FBF1: variants seen among roughly 807,000 people sequenced by gnomAD.
The protein encoded by FBF1 is fas-binding factor 1.
FBF1 carries 119 observed loss-of-function variants against 147.2 expected under a neutral mutation model. The ratio of observed to expected loss-of-function variants is 0.81; its 90% CI spans 0.70 to 0.94. FBF1 has a LOEUF of 0.94. Ranked by LOEUF, FBF1 falls within the 40% of genes least tolerant of loss-of-function variation. FBF1 has a pLI of 0.00. For synonymous variants in FBF1, 601 were observed against 609.0 expected, an observed-to-expected ratio of 0.99 and a Z score of 0.19; for missense variants, 1,449 against 1,500.8, an observed-to-expected ratio of 0.97 and a Z score of 0.57.
chr17:75,923,402 A>G lies in FBF1; in HGVS notation c.1208T>C (p.Leu403Pro). 1 of 1,607,596 alleles carries G rather than the reference A, an allele frequency of 6.2e-7. No homozygotes were observed. Among genetic ancestry groups the G allele is most frequent in the Non-Finnish European group, 8.5e-7 (1 of 1,177,410 alleles). Residue 403 changes from leucine (L) to proline (P), a missense_variant, in exon 14 of 30, where the codon CTG becomes CCG. Physicochemically the swap from Leu to Pro is moderately conservative, Grantham distance 98. Transcript: ENST00000636174. This position sits in a 1 kb window ranked among gnomAD's most constrained non-coding sequence, Gnocchi z 4.1. ...PASQHSTPAG[L>P]PPSRAKPPTE... ...TGGTGGCTTTGCCCTGGAGGGGGGC[A>G]GCCCAGCTGGCGTGGAGTGCTGGCT...
Position 75,925,268 on chromosome 17 carries a change from C to T in FBF1, c.968+79G>A. The T allele has an allele frequency of 9.0e-7, 1 of 1,112,280 alleles. No individual in the cohort carries two copies. The highest frequency in any genetic ancestry group is 1.3e-6 in the Non-Finnish European group (1 of 767,956). The allele number at this position is 1,112,280 out of a possible 1,614,324, so 68.9% of individuals were successfully genotyped here. On this transcript the variant is annotated intron_variant, in intron 13 of 29. Coordinates refer to ENST00000636174, the MANE Select transcript of FBF1 (RefSeq NM_001319193.2). This position sits in a 1 kb window ranked among gnomAD's most constrained non-coding sequence, Gnocchi z 5.0. ...TCCCACATGAGACTCTCGGGTGGGA[C>T]AGGGGACAGCTGCAGGGGCCTGTCT...
chr17:75,934,728 A>T (rs1010109250), intron 4 of FBF1, among the ~76,000 whole-genome samples: 2 of 151,616 alleles, frequency 1.3e-5, no homozygotes, highest in African/African-American at 2.4e-5. Flanking sequence ...AAAAATACAA[A>T]ATTAGCTGGG....
At chr17:75,932,898 ATGGCG>A in intron 5 of FBF1, 92 bp downstream of exon 5, 6 of 764,040 alleles carry the variant, frequency 7.9e-6, no homozygotes, top group Non-Finnish European at 9.8e-6. Context: ...AAAAAAAAAA[ATGGCG>A]AGCAAATGTG....
intron 5 of FBF1, among the ~76,000 whole-genome samples, chr17:75,932,010 G>T (rs2065597436): frequency 6.6e-6 from 1 of 152,222 alleles, no homozygotes; most frequent in Non-Finnish European, 1.5e-5. Flanking sequence ...CATATCATAA[G>T]TAACAGATAG....
chr17:75,931,157 C>T (rs993825640), intron 6 of FBF1, 72 bp downstream of exon 6: 11 of 1,495,904 alleles, frequency 7.4e-6, no homozygotes, highest in Non-Finnish European at 9.1e-6. Flanking sequence ...CGTGGGCAGC[C>T]CCTTGGCCAC....
Position 75,913,336 on chromosome 17 carries a change from C to T in FBF1, c.3247+366G>A, listed in dbSNP as rs572029785. The stretch of plus-strand genomic sequence containing the variant: ...GCTAATTTTGTATTTTTAGCAGAGA[C>T]GGGGTTTCATTATGTTGGCCAGGCT... On this transcript the variant is annotated intron_variant, in intron 28 of 29. Coordinates refer to ENST00000636174, the MANE Select transcript of FBF1 (RefSeq NM_001319193.2). 58 of 164,692 alleles carry T rather than the reference C, an allele frequency of 3.5e-4. No individual in the cohort carries two copies. In the South Asian group the frequency reaches 4.3e-3, roughly 12 times the overall value. The allele number at this position is 164,692 out of a possible 1,614,324, so 10.2% of individuals were successfully genotyped here.
At position 75,918,103 on chromosome 17, in the gene FBF1, G is replaced by A. The variant is rs2065500421; in HGVS notation, c.2247-33C>T. 3.7e-6 allele frequency: 6 copies of A among 1,606,190 alleles called. No individual in the cohort carries two copies. The East Asian group carries it at 1.3e-4, about 36-fold the overall frequency. ...AAGACTGGGTCACCCCCTCCTGACG[G>A]TCTCGGGGACCTTCCGGCCCCCAAC... is the stretch of plus-strand genomic sequence containing the variant. On this transcript the variant is annotated intron_variant, in intron 21 of 29. Transcript: ENST00000636174. The surrounding 1 kb of genome is among the most constrained non-coding windows in gnomAD (Gnocchi z 5.8).
At chr17:75,934,747 C>T (rs1229975547) in intron 4 of FBF1, among the ~76,000 whole-genome samples, 3 of 151,340 alleles carry the variant, frequency 2.0e-5, no homozygotes, top group African/African-American at 4.9e-5. Context: ...GGCGTGGTGG[C>T]GAGCGCCTGT....
intron 17 of FBF1, 143 bp from the exon 18 acceptor site, chr17:75,920,572 C>T (rs1364745353): frequency 1.2e-6 from 1 of 869,230 alleles, no homozygotes; most frequent in Non-Finnish European, 1.7e-6. Flanking sequence ...TGGAAAGTAA[C>T]AGTCACTGCG....
At chr17:75,937,045 G>T (rs372004520) in intron 3 of FBF1, among the ~76,000 whole-genome samples, 5 of 152,084 alleles carry the variant, frequency 3.3e-5, no homozygotes, top group Non-Finnish European at 5.9e-5. Context: ...AGAGCCCAAG[G>T]AGGAGGATTT....
chr17:75,915,604 T>C (rs1432248931), intron 23 of FBF1, among the ~76,000 whole-genome samples: 1 of 152,238 alleles, frequency 6.6e-6, no homozygotes, highest in Non-Finnish European at 1.5e-5. Flanking sequence ...CGAATCAAAA[T>C]GCTTCACAAC....
At position 75,918,314 on chromosome 17, in the gene FBF1, AC is replaced by A; in HGVS notation, c.2139-46del. The A allele has an allele frequency of 2.6e-6, 4 of 1,518,402 alleles. No homozygotes were observed. The highest frequency in any genetic ancestry group is 3.6e-6 in the Non-Finnish European group (4 of 1,104,452). The allele number at this position is 1,518,402 out of a possible 1,614,324, so 94.1% of individuals were successfully genotyped here. A position where few individuals can be genotyped will look rare whatever the true frequency, so the allele number is the denominator to read the frequency against. ...GAAGGCGGTCACTCTGAGCTGGATC[AC>A]CCTGATGCGGTAACTCCTTGTGGAA... On this transcript the variant is annotated intron_variant, in intron 20 of 29. Coordinates refer to ENST00000636174, the MANE Select transcript of FBF1 (RefSeq NM_001319193.2). The surrounding 1 kb of genome is among the most constrained non-coding windows in gnomAD (Gnocchi z 5.8).
At chr17:75,935,142 T>C (rs2065616500) in intron 4 of FBF1, among the ~76,000 whole-genome samples, 1 of 152,126 alleles carries the variant, frequency 6.6e-6, no homozygotes, top group Non-Finnish European at 1.5e-5. Flanking sequence ...AGGAGTGGAC[T>C]TTATGCTATA....
Position 75,933,095 on chromosome 17 carries a change from AAAAAG to A in FBF1, c.74-12_74-8del. ...GGCTTCTCAGGTAGTGTCACTGGAA[AAAAAG>A]AAAAGAGAAAACGTGTCATTTAACT... On this transcript the variant is annotated splice_region_variant and splice_polypyrimidine_tract_variant and intron_variant, in intron 4 of 29. Transcript: ENST00000636174. The A allele has an allele frequency of 6.3e-7, 1 of 1,596,238 alleles. No homozygotes were observed. Among genetic ancestry groups the A allele is most frequent in the Non-Finnish European group, 8.6e-7 (1 of 1,166,258 alleles).
chr17:75,912,058 T>G, intron 29 of FBF1, 134 bp downstream of exon 29: 1 of 806,162 alleles, frequency 1.2e-6, no homozygotes, highest in Non-Finnish European at 2.0e-6. Context: ...ATTGGCTCAC[T>G]AAGCAAACTG....
rs777138751 is a variant in FBF1, at chr17:75,919,922, C to T, written c.1932-48G>A. On this transcript the variant is annotated intron_variant, in intron 19 of 29. Transcript: ENST00000636174. This position sits in a 1 kb window ranked among gnomAD's most constrained non-coding sequence, Gnocchi z 5.0. ...TGGCGCAAGGAAGGCAGAGGGCTGCCGCCTAAAGGCCTCTCCAGGCACACT... is the reference window on the plus strand; with the variant it reads ...TGGCGCAAGGAAGGCAGAGGGCTGCTGCCTAAAGGCCTCTCCAGGCACACT... 1.6e-5 allele frequency: 26 copies of T among 1,612,126 alleles called. No individual in the cohort carries two copies. The highest frequency in any genetic ancestry group is 2.7e-5 in the African/African-American group (2 of 74,892).
At chr17:75,927,365 C>T in intron 9 of FBF1, 90 bp downstream of exon 9, 1 of 1,080,438 alleles carries the variant, frequency 9.3e-7, no homozygotes, top group Non-Finnish European at 1.4e-6. Context: ...GTGACATAGG[C>T]AGCAGCTGGG....
At chr17:75,940,251 T>A (rs72865819) in intron 1 of FBF1, among the ~76,000 whole-genome samples, 17,838 of 151,004 alleles carry the variant, frequency 0.12, 1,624 homozygotes, top group African/African-American at 0.26. Flanking sequence ...TTCTTTCTTT[T>A]TTTTTTTTCC....
Position 75,913,640 on chromosome 17 carries a change from C to T in FBF1, c.3247+62G>A, listed in dbSNP as rs1420117770. 4.5e-6 allele frequency: 6 copies of T among 1,347,662 alleles called. No homozygotes were observed. The African/African-American group carries it at 7.3e-5, about 16-fold the overall frequency. The allele number at this position is 1,347,662 out of a possible 1,614,324, so 83.5% of individuals were successfully genotyped here. On this transcript the variant is annotated intron_variant, in intron 28 of 29. Coordinates refer to ENST00000636174, the MANE Select transcript of FBF1 (RefSeq NM_001319193.2). Reference sequence around the variant, plus strand: ...TGGAGCGGCTGGAGGAGGGCCTGCCCACTCCTAGCACTGCCCCTGCCCAGT... The same window carrying T: ...TGGAGCGGCTGGAGGAGGGCCTGCCTACTCCTAGCACTGCCCCTGCCCAGT...
Sources: gnomAD v4.1 joint callset for allele counts (sites outside exome capture counted in the v4.1 genomes callset) on GRCh38, gnomAD v4.1.1 for gene constraint, Gnocchi (gnomAD v3.1) non-coding constraint, MANE v1.5 for transcripts, NCBI Gene and HGNC (gene_info 2026-07-23, HGNC 2026-07-21) for gene names.